Variants in CCDC15 observed in about 807,000 individuals in gnomAD.
CCDC15 encodes the protein coiled-coil domain-containing protein 15.
CCDC15 carries 105 observed loss-of-function variants against 114.5 expected under a neutral mutation model. That is an observed-to-expected ratio of 0.92 (90% CI 0.78 to 1.08). The LOEUF is 1.08. CCDC15 is among the 50% of genes least tolerant of loss of function. The probability of loss-of-function intolerance (pLI) is 0.00; values close to 1 mark genes in which losing one functional copy is unlikely to be tolerated. For missense variants in CCDC15, 1,105 were observed against 1,093.6 expected (o/e 1.01, Z -0.15); for synonymous variants, 334 against 377.8 (o/e 0.88, Z 1.34).
At chr11:125,032,601 G>T (rs1565384186) in intron 13 of CCDC15, among the ~76,000 whole-genome samples, 1 of 152,186 alleles carries the variant, frequency 6.6e-6, no homozygotes, top group Non-Finnish European at 1.5e-5. Context: ...TTCCTCCAGG[G>T]ATGCAATATT....
In CCDC15 at chr11:124,977,458, T is replaced by A. The variant is rs1591582337; in HGVS notation, c.631-20T>A. On this transcript the variant is annotated intron_variant, in intron 5 of 15. Transcript: ENST00000344762. ...TGCTTCCTCTAGACCTATTTATATT[T>A]GTAGTAATTTTTTTTCCAGGAAGTG... is the stretch of plus-strand genomic sequence containing the variant. 1 of 1,563,478 alleles carries A rather than the reference T, an allele frequency of 6.4e-7. No homozygotes were observed. The highest frequency in any genetic ancestry group is 8.7e-7 in the Non-Finnish European group (1 of 1,155,876).
intron 13 of CCDC15, among the ~76,000 whole-genome samples, chr11:125,033,024 A>G (rs1326295152): frequency 6.6e-6 from 1 of 152,178 alleles, no homozygotes; most frequent in Non-Finnish European, 1.5e-5. Flanking sequence ...TGGGAGAAAG[A>G]TTTATAGCAT....
Position 124,992,569 on chromosome 11 carries a change from T to A in CCDC15, c.2032-11T>A. On this transcript the variant is annotated splice_polypyrimidine_tract_variant and intron_variant, in intron 9 of 15. Transcript: ENST00000344762. ...CTGTTGTTGTTTTTCCTTTAAAATA[T>A]GTTTCTCAAGCAACCTGCATCTTTT... The A allele has an allele frequency of 6.6e-7, 1 of 1,522,608 alleles. No individual in the cohort carries two copies. The highest frequency in any genetic ancestry group is 9.0e-7 in the Non-Finnish European group (1 of 1,113,294). 94.3% of individuals were successfully genotyped at this position (1,522,608 alleles called of 1,614,324 possible).
intron 13 of CCDC15, among the ~76,000 whole-genome samples, chr11:125,032,350 C>T (rs1013974790): frequency 6.6e-6 from 1 of 152,188 alleles, no homozygotes; most frequent in African/African-American, 2.4e-5. Context: ...AGGCATTTGC[C>T]TAGTCAGTGG....
Position 125,040,705 on chromosome 11 carries a change from T to TC in CCDC15, c.2851dup (p.Leu951ProfsTer6), listed in dbSNP as rs1232360077. 12 of 1,611,332 alleles carry TC rather than the reference T, an allele frequency of 7.4e-6. No homozygotes were observed. The East Asian group carries it at 2.7e-4, about 36-fold the overall frequency. ...CTGCACACAGGCGGACTTTGAAAAA[T>TC]CTATAATAAGAATCTGAAATTAACT... On this transcript the variant is annotated frameshift_variant, in exon 16 of 16. Coordinates refer to ENST00000344762, the MANE Select transcript of CCDC15 (RefSeq NM_025004.3). LOFTEE classifies it high-confidence loss of function.
At chr11:124,966,087 C>A (rs7926251) in intron 4 of CCDC15, among the ~76,000 whole-genome samples, 6 of 151,856 alleles carry the variant, frequency 4.0e-5, no homozygotes, top group Admixed American at 1.3e-4. Context: ...GGAATAAGTG[C>A]GATGTGGTGC....
At position 124,959,801 on chromosome 11, in the gene CCDC15, C is replaced by T; in HGVS notation, c.328-14C>T. ...GGGTAGAATGTTACTATCCCCCTTT[C>T]TTCTTTCGTGTAGGCACAAAAAGAA... On this transcript the variant is annotated splice_polypyrimidine_tract_variant and intron_variant, in intron 3 of 15. Transcript: ENST00000344762. 1.3e-6 allele frequency: 2 copies of T among 1,489,768 alleles called. No individual in the cohort carries two copies. Among genetic ancestry groups the T allele is most frequent in the Non-Finnish European group, 1.8e-6 (2 of 1,106,120 alleles). The allele number at this position is 1,489,768 out of a possible 1,614,324, so 92.3% of individuals were successfully genotyped here.
chr11:124,971,027 C>A (rs1947869257), intron 4 of CCDC15, among the ~76,000 whole-genome samples: 1 of 152,080 alleles, frequency 6.6e-6, no homozygotes, highest in African/African-American at 2.4e-5. Context: ...ACTACACAAC[C>A]CTTGCTCCAG....
rs769671454 is a variant in CCDC15 at position 125,040,626 on chromosome 11, G to A, written c.2771G>A (p.Cys924Tyr). The change falls in exon 16 of 16, where the codon TGT becomes TAT. Residue 924 changes from cysteine (C) to tyrosine (Y), a missense_variant. By Grantham distance (194) the Cys-to-Tyr change is radical (BLOSUM62 -2). Coordinates refer to ENST00000344762, the MANE Select transcript of CCDC15 (RefSeq NM_025004.3). ...TRALHSFINS[C>Y]DVPGGNSTLR... ...GCACTACATTCATTCATCAATTCCTGTGATGTCCCTGGGGGTAATTCAACT... is the reference window on the plus strand; with the variant it reads ...GCACTACATTCATTCATCAATTCCTATGATGTCCCTGGGGGTAATTCAACT... 9.9e-6 allele frequency: 16 copies of A among 1,611,100 alleles called. No individual in the cohort carries two copies. Among genetic ancestry groups the A allele is most frequent in the Middle Eastern group, 1.6e-4 (1 of 6,062 alleles).
intron 12 of CCDC15, 53 bp downstream of exon 12, chr11:125,004,012 A>G: frequency 1.1e-6 from 1 of 905,484 alleles, no homozygotes; most frequent in South Asian, 2.2e-5. Context: ...GATAGTATTA[A>G]TATATGAGAA....
At chr11:125,002,767 C>T (rs993346245) in intron 11 of CCDC15, among the ~76,000 whole-genome samples, 1 of 151,966 alleles carries the variant, frequency 6.6e-6, no homozygotes, top group African/African-American at 2.4e-5. Context: ...CATATCTATC[C>T]TTGTATTAGT....
At chr11:124,961,798 T>C (rs1439975985) in intron 4 of CCDC15, among the ~76,000 whole-genome samples, 3 of 152,090 alleles carry the variant, frequency 2.0e-5, no homozygotes, top group African/African-American at 7.2e-5. Context: ...AGTGCTGGGA[T>C]TACAGGTGTG....
Position 124,959,244 on chromosome 11 carries a change from C to A in CCDC15, c.307C>A (p.Leu103Ile). 1 of 1,577,082 alleles carries A rather than the reference C, an allele frequency of 6.3e-7. No individual in the cohort carries two copies. The highest frequency in any genetic ancestry group is 8.6e-7 in the Non-Finnish European group (1 of 1,166,974). ...QQIRLRKKQQ[L>I]QKSYERAQKE... is the part of the protein sequence containing the mutation. ...AATTAGGTTGAGAAAAAAGCAACAG[C>A]TTCAGAAGTCTTATGAAAGAGTAAG... The change falls in exon 3 of 16, where the codon CTT (leucine) becomes ATT (isoleucine). Residue 103 changes from leucine (L) to isoleucine (I), a missense_variant. Leu to Ile is a conservative substitution (Grantham distance 5). Coordinates refer to ENST00000344762, the MANE Select transcript of CCDC15 (RefSeq NM_025004.3).
At position 125,040,863 on chromosome 11, in the gene CCDC15, C is replaced by T; in HGVS notation, c.*152C>T. The T allele has an allele frequency of 1.4e-6, 1 of 728,260 alleles. No homozygotes were observed. Among genetic ancestry groups the T allele is most frequent in the Non-Finnish European group, 2.2e-6 (1 of 459,828 alleles). 45.1% of individuals were successfully genotyped at this position (728,260 alleles called of 1,614,324 possible). On this transcript the variant is annotated 3_prime_UTR_variant, in exon 16 of 16. Coordinates refer to ENST00000344762, the MANE Select transcript of CCDC15 (RefSeq NM_025004.3). ...ATTAGATTGTAATCATTGTTTTAAT[C>T]TCTGTCTGGGAACCAAGATTGAAAG... is the stretch of plus-strand genomic sequence containing the variant.
chr11:124,969,532 A>G (rs1179081591), intron 4 of CCDC15, among the ~76,000 whole-genome samples: 1 of 152,106 alleles, frequency 6.6e-6, no homozygotes, highest in African/African-American at 2.4e-5. Context: ...GGTTTATTCC[A>G]GCTTTTTGTT....
At chr11:125,025,751 A>G (rs1458660551) in intron 13 of CCDC15, among the ~76,000 whole-genome samples, 1 of 152,096 alleles carries the variant, frequency 6.6e-6, no homozygotes, top group African/African-American at 2.4e-5. Context: ...TATTAATGGC[A>G]TAAAGTTCTT....
chr11:125,000,088 C>G (rs556083651), intron 11 of CCDC15, among the ~76,000 whole-genome samples: 83 of 152,106 alleles, frequency 5.5e-4, no homozygotes, highest in African/African-American at 1.8e-3. Context: ...GTCTTGAACT[C>G]CTGACCTCAA....
Position 125,008,665 on chromosome 11 carries a change from T to C in CCDC15, c.2411+3453T>C, listed in dbSNP as rs185160382. On this transcript the variant is annotated intron_variant, in intron 13 of 15. Coordinates refer to ENST00000344762, the MANE Select transcript of CCDC15 (RefSeq NM_025004.3). ...TTTTTTGTAGATGCGCTTTTTCAGG[T>C]TGAAGAAGTTCTTCTCCATCAGTTG... Among the ~76,000 whole-genome samples, 193 of 152,250 alleles carry C rather than the reference T, an allele frequency of 1.3e-3. 1 individual carries two copies. The highest frequency in any genetic ancestry group is 4.4e-3 in the African/African-American group (182 of 41,558).
At chr11:124,986,358 A>G (rs118068758) in intron 6 of CCDC15, among the ~76,000 whole-genome samples, 2,331 of 152,312 alleles carry the variant, frequency 0.015, 30 homozygotes, top group Middle Eastern at 0.054. Flanking sequence ...TCTGAATTTT[A>G]TGATTAACTT....
Sources: allele counts gnomAD v4.1 joint callset (sites outside exome capture counted in the v4.1 genomes callset), GRCh38; gene constraint gnomAD v4.1.1; transcripts MANE v1.5; gene names NCBI Gene and HGNC (gene_info 2026-07-23, HGNC 2026-07-21).